The following IGF1R variants were observed in gnomAD, a reference collection of about 807,000 sequenced individuals.
IGF1R encodes insulin like growth factor 1 receptor, also known as insulin-like growth factor 1 receptor.
Under a neutral mutation model 144.6 loss-of-function variants are expected in IGF1R, and 44 were observed. The observed-to-expected ratio is 0.30, with a 90% confidence interval of 0.24 to 0.39. The LOEUF is 0.39. Among genes scored for constraint, IGF1R ranks in the 10% least tolerant of loss-of-function variants. The pLI is 1.00. For synonymous variants in IGF1R, 795 were observed against 722.8 expected, an observed-to-expected ratio of 1.10 and a Z score of -1.60; for missense variants, 1,355 against 1,833.7, an observed-to-expected ratio of 0.74 and a Z score of 4.77.
chr15:98,911,284 C>CT lies in IGF1R; in HGVS notation c.1463-30dup, dbSNP rs752145762. 1.9e-6 allele frequency: 3 copies of CT among 1,613,778 alleles called. No individual in the cohort carries two copies. In the African/African-American group the frequency reaches 4.0e-5, roughly 22 times the overall value. ...GTGCTTTTCAGAGACACATGAATCT[C>CT]TGTCACTCACGGATGTACTCTTTGC... On this transcript the variant is annotated intron_variant, in intron 6 of 20. Transcript: ENST00000650285.
chr15:98,866,340 T>G (rs906700387), intron 2 of IGF1R, among the ~76,000 whole-genome samples: 3 of 152,228 alleles, frequency 2.0e-5, no homozygotes, highest in African/African-American at 7.2e-5. Flanking sequence ...TCCCATTGCA[T>G]GTGGGAAGCT....
rs2017274182 is a variant in IGF1R, at chr15:98,962,733, G to C, written c.*5291G>C. 4.3e-6 allele frequency: 1 copy of C among 233,202 alleles called. No homozygotes were observed. The highest frequency in any genetic ancestry group is 1.8e-4 in the South Asian group (1 of 5,534). 14.4% of individuals were successfully genotyped at this position (233,202 alleles called of 1,614,324 possible). On this transcript the variant is annotated 3_prime_UTR_variant, in exon 21 of 21. Coordinates refer to ENST00000650285, the MANE Select transcript of IGF1R (RefSeq NM_000875.5). Reference sequence around the variant, plus strand: ...GGAATGTGGGCAAGGTTTTGAACTTGATTGTTCTTGAAGCTATCAGACCAC... The same window carrying C: ...GGAATGTGGGCAAGGTTTTGAACTTCATTGTTCTTGAAGCTATCAGACCAC...
rs35151840 is a variant in IGF1R, at chr15:98,963,213, ATTTTTTTT to A, written c.*5782_*5789del. 0.012 allele frequency: 2,474 copies of A among 212,304 alleles called. 14 individuals carry two copies. Among genetic ancestry groups the A allele is most frequent in the Non-Finnish European group, 0.018 (1,926 of 109,242 alleles). The allele number at this position is 212,304 out of a possible 1,614,324, so 13.2% of individuals were successfully genotyped here. On this transcript the variant is annotated 3_prime_UTR_variant, in exon 21 of 21. Coordinates refer to ENST00000650285, the MANE Select transcript of IGF1R (RefSeq NM_000875.5). ...GTGTGCAAATGTGTGTTTGTGATCC[ATTTTTTTT>A]TTTTTTTTTTAGGACACCTGTTTAC...
At chr15:98,918,405 T>G (rs984253488) in intron 10 of IGF1R, among the ~76,000 whole-genome samples, 1 of 152,210 alleles carries the variant, frequency 6.6e-6, no homozygotes, top group East Asian at 1.9e-4. Context: ...AAAGTGATTT[T>G]TTTTTTCTGC....
intron 2 of IGF1R, among the ~76,000 whole-genome samples, chr15:98,727,121 A>G (rs185876071): frequency 6.6e-6 from 1 of 152,220 alleles, no homozygotes; most frequent in Non-Finnish European, 1.5e-5. Flanking sequence ...CTTTCTTTTT[A>G]AAACCATTCT....
chr15:98,665,496 A>G, intron 1 of IGF1R, among the ~76,000 whole-genome samples: 1 of 152,046 alleles, frequency 6.6e-6, no homozygotes, highest in East Asian at 1.9e-4. Flanking sequence ...TCCTTCTTCA[A>G]GGAGGGGGAG....
chr15:98,845,636 G>A (rs1182425762), intron 2 of IGF1R, among the ~76,000 whole-genome samples: 5 of 149,046 alleles, frequency 3.4e-5, no homozygotes, highest in East Asian at 2.0e-4. Flanking sequence ...GGGCCTGTGC[G>A]GCACTTTGTT....
intron 20 of IGF1R, among the ~76,000 whole-genome samples, chr15:98,950,466 T>G (rs2016730197): frequency 6.6e-6 from 1 of 152,184 alleles, no homozygotes; most frequent in African/African-American, 2.4e-5. Context: ...TCAGGCTCCT[T>G]CAGGGTTCTG....
At chr15:98,739,507 G>T (rs2054688578) in intron 2 of IGF1R, among the ~76,000 whole-genome samples, 1 of 152,152 alleles carries the variant, frequency 6.6e-6, no homozygotes, top group Non-Finnish European at 1.5e-5. Context: ...CTTGGTGGCT[G>T]ATCAGGTTGT....
At chr15:98,897,235 C>T in intron 4 of IGF1R, 1 of 307,196 alleles carries the variant, frequency 3.3e-6, no homozygotes, top group Non-Finnish European at 6.2e-6. Context: ...ACGTGTGACT[C>T]AGCAGACTCC....
chr15:98,908,619 G>A, intron 5 of IGF1R, 66 bp from the exon 6 acceptor site: 5 of 1,214,112 alleles, frequency 4.1e-6, no homozygotes, highest in South Asian at 2.5e-5. Flanking sequence ...TGTGTTACGT[G>A]GCCAGCAGGC....
intron 20 of IGF1R, among the ~76,000 whole-genome samples, chr15:98,951,576 T>C (rs2151730262): frequency 6.6e-6 from 1 of 152,380 alleles, no homozygotes; most frequent in East Asian, 1.9e-4. Context: ...TGGCTCTGGC[T>C]TGGAGCCCTT....
intron 2 of IGF1R, among the ~76,000 whole-genome samples, chr15:98,729,380 G>A (rs77016133): frequency 6.6e-6 from 1 of 152,208 alleles, no homozygotes; most frequent in African/African-American, 2.4e-5. Flanking sequence ...AAAGGAACCG[G>A]AAGTGCTTGG....
At chr15:98,719,436 C>G (rs2054195710) in intron 2 of IGF1R, among the ~76,000 whole-genome samples, 1 of 152,124 alleles carries the variant, frequency 6.6e-6, no homozygotes, top group Non-Finnish European at 1.5e-5. Context: ...GCTTCTTTAG[C>G]TCACCAAATA....
intron 4 of IGF1R, 24 bp from the exon 5 acceptor site, chr15:98,899,453 T>C (rs2151656686): frequency 6.2e-7 from 1 of 1,613,372 alleles, no homozygotes; most frequent in East Asian, 2.2e-5. Flanking sequence ...GAGCACACAG[T>C]GACACAATCC....
chr15:98,678,425 A>G (rs1256171803), intron 1 of IGF1R, among the ~76,000 whole-genome samples: 1 of 151,416 alleles, frequency 6.6e-6, no homozygotes, highest in Non-Finnish European at 1.5e-5. Flanking sequence ...AACAGTTTTT[A>G]TAGTGTGGCA....
At chr15:98,670,313 A>G (rs1266221423) in intron 1 of IGF1R, among the ~76,000 whole-genome samples, 1 of 152,148 alleles carries the variant, frequency 6.6e-6, no homozygotes, top group Non-Finnish European at 1.5e-5. Flanking sequence ...TTAGATGATC[A>G]GAAGGATTAT....
chr15:98,922,778 T>G (rs747941160), intron 11 of IGF1R, among the ~76,000 whole-genome samples: 6 of 152,212 alleles, frequency 3.9e-5, no homozygotes, highest in Non-Finnish European at 8.8e-5. Flanking sequence ...CCTCCTGAGC[T>G]CTCACATGTC....
At position 98,840,780 on chromosome 15, in the gene IGF1R, A is replaced by G. The variant is rs548127547; in HGVS notation, c.641-50545A>G. Among the ~76,000 whole-genome samples, 53 of 151,474 alleles carry G rather than the reference A, an allele frequency of 3.5e-4. 1 individual carries two copies. The highest frequency in any genetic ancestry group is 1.3e-3 in the African/African-American group (53 of 41,290). Reference sequence around the variant, plus strand: ...AGCCTCTCCCTCCCAGGTTCCAGCAATTCTCCTGCCTCAACCTCCCGAGTA... The same window carrying G: ...AGCCTCTCCCTCCCAGGTTCCAGCAGTTCTCCTGCCTCAACCTCCCGAGTA... On this transcript the variant is annotated intron_variant, in intron 2 of 20. Transcript: ENST00000650285.
Sources: gnomAD v4.1 joint callset for allele counts (sites outside exome capture counted in the v4.1 genomes callset) on GRCh38, gnomAD v4.1.1 for gene constraint, MANE v1.5 for transcripts, NCBI Gene and HGNC (gene_info 2026-07-23, HGNC 2026-07-21) for gene names.